The following TMEM132B variants were observed in gnomAD, a reference collection of about 807,000 sequenced individuals.
TMEM132B encodes the protein transmembrane protein 132B.
Under a neutral mutation model 90.8 loss-of-function variants are expected in TMEM132B, and 18 were observed. The observed-to-expected ratio is 0.20, with a 90% CI of 0.14 to 0.29. The LOEUF is 0.29. TMEM132B is among the 10% of genes least tolerant of loss of function. TMEM132B has a pLI of 1.00. For synonymous variants in TMEM132B, 504 were observed against 523.3 expected (o/e 0.96, Z 0.50); for missense variants, 1,096 against 1,326.8 (o/e 0.83, Z 2.70).
intron 2 of TMEM132B, among the ~76,000 whole-genome samples, chr12:125,384,979 C>T (rs1000159876): frequency 6.6e-6 from 1 of 152,154 alleles, no homozygotes; most frequent in Non-Finnish European, 1.5e-5. Flanking sequence ...CAACACCTCT[C>T]CTTTCCCCAT....
At chr12:125,249,558 G>A (rs547387844) in intron 1 of TMEM132B, among the ~76,000 whole-genome samples, 6 of 152,298 alleles carry the variant, frequency 3.9e-5, no homozygotes, top group African/African-American at 1.2e-4. Context: ...ATGAGATGGC[G>A]ATGAAGATGG....
chr12:125,328,136 T>C (rs1275157407), intron 1 of TMEM132B, among the ~76,000 whole-genome samples: 4 of 152,218 alleles, frequency 2.6e-5, no homozygotes, highest in Admixed American at 1.3e-4. Context: ...CTTAACCGTG[T>C]TATATCAAGT....
At position 125,580,468 on chromosome 12, in the gene TMEM132B, A is replaced by G. The variant is rs564309269; in HGVS notation, c.1294-3383A>G. 2.0e-5 allele frequency among the ~76,000 whole-genome samples: 3 copies of G among 152,320 alleles called. No individual in the cohort carries two copies. In the East Asian group the frequency reaches 5.8e-4, roughly 29 times the overall value. On this transcript the variant is annotated intron_variant, in intron 4 of 8. Coordinates refer to ENST00000682704, the MANE Select transcript of TMEM132B (RefSeq NM_001366854.1). The stretch of plus-strand genomic sequence containing the variant: ...GTCGATAAATGACTATTATTTGGGA[A>G]TGAGGTTTTGAAAGATCTCCAGCCC...
At chr12:125,640,929 G>GACAC (rs60088908) in intron 5 of TMEM132B, among the ~76,000 whole-genome samples, 33,472 of 149,284 alleles carry the variant, frequency 0.22, 4,262 homozygotes, top group African/African-American at 0.34. Context: ...AGGAGAAATA[G>GACAC]ACACACACAC....
intron 4 of TMEM132B, among the ~76,000 whole-genome samples, chr12:125,532,395 T>C (rs1162943726): frequency 6.6e-6 from 1 of 152,198 alleles, no homozygotes; most frequent in Non-Finnish European, 1.5e-5. Context: ...CAGAAAATAC[T>C]GCCCTGGAAT....
chr12:125,360,525 G>T lies in TMEM132B; in HGVS notation c.959+10182G>T, dbSNP rs56717889. Among the ~76,000 whole-genome samples the T allele has an allele frequency of 1.1e-3, 166 of 152,310 alleles. 1 individual carries two copies. The highest frequency in any genetic ancestry group is 3.9e-3 in the African/African-American group (161 of 41,548). On this transcript the variant is annotated intron_variant, in intron 2 of 8. Transcript: ENST00000682704. ...AGACATCGTTAGACTTTTACTGCCT[G>T]GTGCTGAAATGAAGGAAGGTGGTCT...
At chr12:125,547,308 G>T (rs1303606515) in intron 4 of TMEM132B, among the ~76,000 whole-genome samples, 4 of 152,028 alleles carry the variant, frequency 2.6e-5, no homozygotes, top group African/African-American at 9.7e-5. Context: ...ACATGATATT[G>T]TCATTGTTTT....
rs1255346284 is a variant in TMEM132B at position 125,643,955 on chromosome 12, A to G, written c.1438-121A>G. On this transcript the variant is annotated intron_variant, in intron 5 of 8. Coordinates refer to ENST00000682704, the MANE Select transcript of TMEM132B (RefSeq NM_001366854.1). The stretch of plus-strand genomic sequence containing the variant: ...ATTACCTTTTGTACAAGTTCTGTTC[A>G]TTGGGTTGTTTTGGTGTCTAATAAA... 8.6e-6 allele frequency: 7 copies of G among 814,718 alleles called. No individual in the cohort carries two copies. In the East Asian group the frequency reaches 1.8e-4, roughly 21 times the overall value. 50.5% of individuals were successfully genotyped at this position (814,718 alleles called of 1,614,324 possible). A position where few individuals can be genotyped will look rare whatever the true frequency, so the allele number is the denominator to read the frequency against.
At chr12:125,482,917 A>G (rs1333863133) in intron 3 of TMEM132B, among the ~76,000 whole-genome samples, 6 of 152,172 alleles carry the variant, frequency 3.9e-5, no homozygotes, top group South Asian at 2.1e-4. Context: ...ATGCAGCCAT[A>G]AAAAAGGATG....
chr12:125,265,877 G>A (rs542820063), intron 1 of TMEM132B, among the ~76,000 whole-genome samples: 11 of 152,198 alleles, frequency 7.2e-5, no homozygotes, highest in African/African-American at 2.6e-4. Context: ...TATAACCTAT[G>A]GGCCAAATTG....
chr12:125,230,626 G>T (rs533355415), intron 1 of TMEM132B, among the ~76,000 whole-genome samples: 1 of 151,144 alleles, frequency 6.6e-6, no homozygotes, highest in Admixed American at 6.6e-5. Flanking sequence ...GACTACAGGC[G>T]CCTGCCACCA....
chr12:125,366,004 A>G (rs1878122205), intron 2 of TMEM132B, among the ~76,000 whole-genome samples: 1 of 151,792 alleles, frequency 6.6e-6, no homozygotes, highest in African/African-American at 2.4e-5. Flanking sequence ...TCAACTTCTC[A>G]TCCCTCTCCT....
intron 1 of TMEM132B, among the ~76,000 whole-genome samples, chr12:125,219,602 C>T (rs1480572298): frequency 5.3e-5 from 8 of 152,290 alleles, no homozygotes; most frequent in South Asian, 2.1e-4. Flanking sequence ...ACCTGGTCCT[C>T]CAACCCTCCC....
rs145528377 is a variant in TMEM132B, at chr12:125,231,809, A to G, written c.67+44943A>G. On this transcript the variant is annotated intron_variant, in intron 1 of 8. Coordinates refer to ENST00000682704, the MANE Select transcript of TMEM132B (RefSeq NM_001366854.1). ...TACAATCTTTGTACCGATCCCTATTAATACTTTAAAAAAATGCATGTACTT... is the reference window on the plus strand; with the variant it reads ...TACAATCTTTGTACCGATCCCTATTGATACTTTAAAAAAATGCATGTACTT... Among the ~76,000 whole-genome samples, 50 of 152,248 alleles carry G rather than the reference A, an allele frequency of 3.3e-4. 2 individuals are homozygous for G. Among genetic ancestry groups the G allele is most frequent in the African/African-American group, 1.2e-3 (48 of 41,556 alleles).
rs1887068677 is a variant in TMEM132B, at chr12:125,656,674, T to C, written c.*1964T>C. 6.6e-6 allele frequency: 1 copy of C among 152,210 alleles called. No homozygotes were observed. The highest frequency in any genetic ancestry group is 2.4e-5 in the African/African-American group (1 of 41,444). The allele number at this position is 152,210 out of a possible 1,614,324, so 9.4% of individuals were successfully genotyped here. ...GCTTGCAGAGAGATGGCTGACACTTTATGGGAAGATTCCTCAGTCAGCCAA... is the reference window on the plus strand; with the variant it reads ...GCTTGCAGAGAGATGGCTGACACTTCATGGGAAGATTCCTCAGTCAGCCAA... On this transcript the variant is annotated 3_prime_UTR_variant, in exon 9 of 9. Coordinates refer to ENST00000682704, the MANE Select transcript of TMEM132B (RefSeq NM_001366854.1).
chr12:125,609,376 A>T (rs1295752572), intron 5 of TMEM132B, among the ~76,000 whole-genome samples: 2 of 152,130 alleles, frequency 1.3e-5, no homozygotes, highest in Admixed American at 1.3e-4. Context: ...TTTCAAGGTT[A>T]TTTGGCTATT....
chr12:125,654,364 C>T lies in TMEM132B; in HGVS notation c.2906C>T (p.Pro969Leu). The change falls in exon 9 of 9, where the codon CCA becomes CTA. Residue 969 changes from proline to leucine, a missense_variant. Transcript: ENST00000682704. This position sits in a 1 kb window ranked among gnomAD's most constrained non-coding sequence, Gnocchi z 5.8. ...GAGAACCCTGTTGACATTACACTCCCATCAGAGGAGTGCACAACCATGATA... is the reference window on the plus strand; with the variant it reads ...GAGAACCCTGTTGACATTACACTCCTATCAGAGGAGTGCACAACCATGATA... ...LLENPVDITL[P>L]SEECTTMIDR... 1 of 1,612,920 alleles carries T rather than the reference C, an allele frequency of 6.2e-7. No individual in the cohort carries two copies.
intron 2 of TMEM132B, among the ~76,000 whole-genome samples, chr12:125,404,590 A>G (rs940124755): frequency 6.6e-6 from 1 of 152,208 alleles, no homozygotes; most frequent in Non-Finnish European, 1.5e-5. Context: ...AGCACTTAAT[A>G]TACACCAATT....
chr12:125,210,064 C>T (rs1873286010), intron 1 of TMEM132B, among the ~76,000 whole-genome samples: 1 of 152,162 alleles, frequency 6.6e-6, no homozygotes, highest in Admixed American at 6.5e-5. Flanking sequence ...GCAGGGTGGA[C>T]AGTCAGATCG....
Sources: gnomAD v4.1 joint callset for allele counts (sites outside exome capture counted in the v4.1 genomes callset) on GRCh38, gnomAD v4.1.1 for gene constraint, Gnocchi (gnomAD v3.1) non-coding constraint, MANE v1.5 for transcripts, NCBI Gene and HGNC (gene_info 2026-07-23, HGNC 2026-07-21) for gene names.